ZNF804B: variants seen among roughly 807,000 people sequenced by gnomAD.
The protein encoded by ZNF804B is zinc finger protein 804B, also known as zinc finger 804B.
In ZNF804B, 80 loss-of-function variants were observed where a neutral mutation model predicts 101.4. The ratio of observed to expected loss-of-function variants is 0.79; its 90% confidence interval spans 0.66 to 0.95. The LOEUF is 0.95. Ranked by LOEUF, ZNF804B falls within the 40% of genes least tolerant of loss-of-function variation. The pLI is 0.00. For synonymous variants in ZNF804B, 622 were observed against 558.8 expected (o/e 1.11, Z -1.59); for missense variants, 1,673 against 1,561.9 (o/e 1.07, Z -1.20).
chr7:89,267,023 T>A (rs1408147255), intron 2 of ZNF804B, among the ~76,000 whole-genome samples: 1 of 152,158 alleles, frequency 6.6e-6, no homozygotes, highest in Non-Finnish European at 1.5e-5. Flanking sequence ...GAAAAAGGAC[T>A]TCCCTGAGAA....
chr7:89,046,373 G>A (rs944628128), intron 1 of ZNF804B, among the ~76,000 whole-genome samples: 5 of 152,138 alleles, frequency 3.3e-5, no homozygotes, highest in African/African-American at 9.7e-5. Flanking sequence ...GAAATAGAAT[G>A]TCAAAGACAT....
chr7:88,857,223 C>A (rs893545140), intron 1 of ZNF804B, among the ~76,000 whole-genome samples: 1 of 152,024 alleles, frequency 6.6e-6, no homozygotes, highest in Non-Finnish European at 1.5e-5. Context: ...AGAGCAAACA[C>A]ATTCAAAAGC....
At position 89,336,715 on chromosome 7, in the gene ZNF804B, C is replaced by A; in HGVS notation, c.3733C>A (p.Pro1245Thr). The change falls in exon 4 of 4, where the codon CCT (proline) becomes ACT (threonine). Residue 1245 changes from proline to threonine, a missense_variant. Physicochemically the swap from Pro to Thr is conservative, Grantham distance 38 (BLOSUM62 -1). Coordinates refer to ENST00000333190, the MANE Select transcript of ZNF804B (RefSeq NM_181646.5). ...LHPLSQAHFS[P>T]ISFSTLTPTI... is the part of the protein sequence containing the mutation. ...TCCTCTTTCACAGGCACATTTCAGTCCTATTTCATTTTCGACTCTGACTCC... is the reference window on the plus strand; with the variant it reads ...TCCTCTTTCACAGGCACATTTCAGTACTATTTCATTTTCGACTCTGACTCC... 3 of 1,614,058 alleles carry A rather than the reference C, an allele frequency of 1.9e-6. No individual in the cohort carries two copies. Among genetic ancestry groups the A allele is most frequent in the Non-Finnish European group, 2.5e-6 (3 of 1,179,990 alleles).
intron 1 of ZNF804B, among the ~76,000 whole-genome samples, chr7:89,005,344 TTTG>T (rs920706016): frequency 2.6e-5 from 4 of 151,996 alleles, no homozygotes; most frequent in Non-Finnish European, 4.4e-5. Flanking sequence ...CATCACAGAT[TTTG>T]TTGTTGTTGT....
At chr7:89,178,272 T>C (rs1408547415) in intron 1 of ZNF804B, among the ~76,000 whole-genome samples, 1 of 150,958 alleles carries the variant, frequency 6.6e-6, no homozygotes, top group African/African-American at 2.4e-5. Context: ...ACATTTGAGG[T>C]TATTATCGAT....
intron 1 of ZNF804B, among the ~76,000 whole-genome samples, chr7:89,154,246 G>A (rs955535580): frequency 6.6e-6 from 1 of 152,114 alleles, no homozygotes; most frequent in African/African-American, 2.4e-5. Flanking sequence ...TGCTAGTAAA[G>A]ATGTATAGAA....
chr7:88,819,908 G>T (rs1790949251), intron 1 of ZNF804B, among the ~76,000 whole-genome samples: 1 of 152,116 alleles, frequency 6.6e-6, no homozygotes, highest in South Asian at 2.1e-4. Flanking sequence ...AAACTGCTCA[G>T]AGTTTTGCTC....
At chr7:89,219,634 C>T (rs1584062867) in intron 2 of ZNF804B, among the ~76,000 whole-genome samples, 1 of 151,264 alleles carries the variant, frequency 6.6e-6, no homozygotes, top group Non-Finnish European at 1.5e-5. Flanking sequence ...TGTTAAATAC[C>T]ACCGACTGAG....
chr7:89,169,253 C>A (rs1791190203), intron 1 of ZNF804B, among the ~76,000 whole-genome samples: 1 of 152,080 alleles, frequency 6.6e-6, no homozygotes, highest in Non-Finnish European at 1.5e-5. Context: ...GAACAGTGTA[C>A]ACTTGCAAGA....
At chr7:88,926,629 A>G (rs1792804651) in intron 1 of ZNF804B, among the ~76,000 whole-genome samples, 1 of 151,986 alleles carries the variant, frequency 6.6e-6, no homozygotes, top group Non-Finnish European at 1.5e-5. Context: ...GTAAATACAT[A>G]AATTAATTAA....
rs78989777 is a variant in ZNF804B at position 89,266,100 on chromosome 7, A to C, written c.249+47805A>C. Among the ~76,000 whole-genome samples the C allele has an allele frequency of 7.9e-3, 1,203 of 152,224 alleles. 21 individuals carry two copies. Among genetic ancestry groups the C allele is most frequent in the African/African-American group, 0.028 (1,145 of 41,534 alleles). ...ATTTGAGGTTTGCAAATAGATTTTT[A>C]AGATGTCATTTGGGACTTTCACTGA... On this transcript the variant is annotated intron_variant, in intron 2 of 3. Transcript: ENST00000333190.
intron 1 of ZNF804B, among the ~76,000 whole-genome samples, chr7:89,153,426 G>GATAATAATAATA (rs1257932886): frequency 1.0e-4 from 9 of 89,414 alleles, no homozygotes; most frequent in African/African-American, 3.6e-4. Context: ...TGATGATGAT[G>GATAATAATAATA]ATGATAATAA....
chr7:88,958,448 T>C (rs1264773795), intron 1 of ZNF804B, among the ~76,000 whole-genome samples: 1 of 151,446 alleles, frequency 6.6e-6, no homozygotes, highest in African/African-American at 2.4e-5. Flanking sequence ...TAACTAATTT[T>C]GACTTGTGGC....
intron 2 of ZNF804B, among the ~76,000 whole-genome samples, chr7:89,265,293 T>A (rs13438034): frequency 1.7e-5 from 2 of 120,536 alleles, no homozygotes; most frequent in Non-Finnish European, 3.5e-5. Flanking sequence ...TGTGTGTGTG[T>A]GCGCGTGCGC....
chr7:89,258,015 T>G (rs1584087668), intron 2 of ZNF804B, among the ~76,000 whole-genome samples: 1 of 152,098 alleles, frequency 6.6e-6, no homozygotes, highest in East Asian at 1.9e-4. Flanking sequence ...GATTGGCCCT[T>G]CATATTCATT....
In ZNF804B at chr7:89,176,583, CTTTCTTTCTTTTTT is replaced by C. The variant is rs1168516867; in HGVS notation, c.109-41568_109-41555del. Among the ~76,000 whole-genome samples, 6 of 53,794 alleles carry C rather than the reference CTTTCTTTCTTTTTT, an allele frequency of 1.1e-4. 1 individual carries two copies. Among genetic ancestry groups the C allele is most frequent in the South Asian group, 5.4e-4 (1 of 1,836 alleles). The allele number at this position is 53,794 out of a possible 152,430, so 35.3% of individuals were successfully genotyped here. On this transcript the variant is annotated intron_variant, in intron 1 of 3. Transcript: ENST00000333190. ...TTTCTTTTCTTTTTTTTCTTTCTTT[CTTTCTTTCTTTTTT>C]TTTTTTTTTTTCATGTTTCCTTGCC...
intron 1 of ZNF804B, among the ~76,000 whole-genome samples, chr7:89,093,389 C>T (rs1318688191): frequency 6.6e-6 from 1 of 152,176 alleles, no homozygotes; most frequent in African/African-American, 2.4e-5. Flanking sequence ...CATAATTCCT[C>T]ATACAGTGAG....
At chr7:89,125,149 G>A (rs2189065) in intron 1 of ZNF804B, among the ~76,000 whole-genome samples, 45,003 of 151,146 alleles carry the variant, frequency 0.3, 7,229 homozygotes, top group East Asian at 0.58. Flanking sequence ...GGGGTGTCTG[G>A]CAGCCTGATT....
rs554403392 is a variant in ZNF804B, at chr7:89,016,593, G to A, written c.109-201562G>A. On this transcript the variant is annotated intron_variant, in intron 1 of 3. Transcript: ENST00000333190. ...TTGCCGGCACCATTTATTAAATAGG[G>A]AATCCTTTCCCCATTGCTTGTTTTT... is the stretch of plus-strand genomic sequence containing the variant. Among the ~76,000 whole-genome samples, 128 of 148,206 alleles carry A rather than the reference G, an allele frequency of 8.6e-4. 2 individuals carry two copies. In the East Asian group the frequency reaches 0.024, roughly 27 times the overall value.
Sources: gnomAD v4.1 joint callset for allele counts (sites outside exome capture counted in the v4.1 genomes callset) on GRCh38, gnomAD v4.1.1 for gene constraint, MANE v1.5 for transcripts, NCBI Gene and HGNC (gene_info 2026-07-23, HGNC 2026-07-21) for gene names.